Variants in DIP2B observed in about 807,000 individuals in gnomAD.
The protein encoded by DIP2B is DIP2 acetate--CoA ligase B (putative).
In DIP2B, 76 loss-of-function variants were observed where a neutral mutation model predicts 198.0. The observed-to-expected ratio is 0.38, with a 90% CI of 0.32 to 0.46. The LOEUF is 0.46. Among genes scored for constraint, DIP2B ranks in the 20% least tolerant of loss-of-function variants. DIP2B has a pLI of 0.99. For missense variants in DIP2B, 1,559 were observed against 1,978.4 expected (o/e 0.79, Z 4.02); for synonymous variants, 701 against 739.1 (o/e 0.95, Z 0.84).
intron 1 of DIP2B, among the ~76,000 whole-genome samples, chr12:50,623,381 A>C (rs1485029388): frequency 6.7e-6 from 1 of 149,704 alleles, no homozygotes; most frequent in Non-Finnish European, 1.5e-5. Context: ...TGCCTCCAAA[A>C]TATATGTATC....
chr12:50,727,697 T>A lies in DIP2B; in HGVS notation c.3401-6T>A. The A allele has an allele frequency of 6.2e-7, 1 of 1,612,950 alleles. No individual in the cohort carries two copies. The highest frequency in any genetic ancestry group is 8.5e-7 in the Non-Finnish European group (1 of 1,178,998). On this transcript the variant is annotated splice_region_variant and splice_polypyrimidine_tract_variant and intron_variant, in intron 28 of 37. Coordinates refer to ENST00000301180, the MANE Select transcript of DIP2B (RefSeq NM_173602.3). The stretch of plus-strand genomic sequence containing the variant: ...ATTGACATCAGGTTTTTTCTTTTCA[T>A]GGCAGATGATTTACCCAGGAAAAGG...
chr12:50,512,600 C>T (rs1010407479), intron 1 of DIP2B, among the ~76,000 whole-genome samples: 1 of 152,182 alleles, frequency 6.6e-6, no homozygotes, highest in African/African-American at 2.4e-5. Flanking sequence ...TTGAGAAGCA[C>T]ATATTTTGAC....
intron 25 of DIP2B, among the ~76,000 whole-genome samples, chr12:50,720,714 T>C (rs1939820305): frequency 5.3e-5 from 8 of 152,124 alleles, no homozygotes; most frequent in Admixed American, 5.2e-4. Flanking sequence ...CCCAGGAGTT[T>C]GAGGCTGCAA....
In DIP2B at chr12:50,505,279, C is replaced by T. The variant is rs781535402; in HGVS notation, c.100+39C>T. 8 of 1,413,060 alleles carry T rather than the reference C, an allele frequency of 5.7e-6. No individual in the cohort carries two copies. In the African/African-American group the frequency reaches 7.6e-5, roughly 13 times the overall value. 87.5% of individuals were successfully genotyped at this position (1,413,060 alleles called of 1,614,324 possible). A position where few individuals can be genotyped will look rare whatever the true frequency, so the allele number is the denominator to read the frequency against. On this transcript the variant is annotated intron_variant, in intron 1 of 37. Coordinates refer to ENST00000301180, the MANE Select transcript of DIP2B (RefSeq NM_173602.3). Reference sequence around the variant, plus strand: ...CGGGGAGAGGGCGCCCGGGGCCCTGCGGATCGCGGCGACTTGGGAGACAGG... The same window carrying T: ...CGGGGAGAGGGCGCCCGGGGCCCTGTGGATCGCGGCGACTTGGGAGACAGG...
chr12:50,712,145 G>C (rs180940962), intron 22 of DIP2B, among the ~76,000 whole-genome samples: 1 of 152,244 alleles, frequency 6.6e-6, no homozygotes, highest in African/African-American at 2.4e-5. Context: ...TCCAGCCTGG[G>C]TGTCAGAGCA....
intron 19 of DIP2B, among the ~76,000 whole-genome samples, chr12:50,703,748 C>T (rs867980128): frequency 3.3e-5 from 5 of 152,026 alleles, no homozygotes; most frequent in Admixed American, 6.6e-5. Context: ...TGAATTGACA[C>T]CAACGACTAT....
At position 50,744,993 on chromosome 12, in the gene DIP2B, A is replaced by G; in HGVS notation, c.*154A>G. The G allele has an allele frequency of 1.0e-6, 1 of 954,294 alleles. No individual in the cohort carries two copies. Among genetic ancestry groups the G allele is most frequent in the Non-Finnish European group, 1.5e-6 (1 of 657,240 alleles). The allele number at this position is 954,294 out of a possible 1,614,324, so 59.1% of individuals were successfully genotyped here. A position where few individuals can be genotyped will look rare whatever the true frequency, so the allele number is the denominator to read the frequency against. ...GTGGGATTCTGCAATCATAAAACAC[A>G]GGAAAGGGGAATTCTGTGATGGCAA... is the stretch of plus-strand genomic sequence containing the variant. On this transcript the variant is annotated 3_prime_UTR_variant, in exon 38 of 38. Transcript: ENST00000301180.
chr12:50,682,136 T>C (rs1939051047), intron 9 of DIP2B, among the ~76,000 whole-genome samples: 1 of 152,222 alleles, frequency 6.6e-6, no homozygotes, highest in African/African-American at 2.4e-5. Flanking sequence ...AAGTCACTTA[T>C]CTCTGTGATG....
At chr12:50,688,506 C>T (rs1252910373) in intron 12 of DIP2B, among the ~76,000 whole-genome samples, 1 of 151,942 alleles carries the variant, frequency 6.6e-6, no homozygotes, top group Non-Finnish European at 1.5e-5. Context: ...AAAAAATTAG[C>T]TGGGCCTGGT....
chr12:50,741,489 A>G lies in DIP2B; in HGVS notation c.4428A>G (p.Pro1476=), dbSNP rs1292493344. The change falls in exon 37 of 38, where the codon CCA becomes CCG. Residue 1476 remains proline (P), a synonymous_variant. Coordinates refer to ENST00000301180, the MANE Select transcript of DIP2B (RefSeq NM_173602.3). ...AGCTGAGAGGATTACGATACCACCC[A>G]ATTGATATTGAGACCTCGGTGTCCC... ...TLELRGLRYH[P]IDIETSVSRI... is the part of the protein sequence containing the mutation. 3 of 1,614,064 alleles carry G rather than the reference A, an allele frequency of 1.9e-6. No individual in the cohort carries two copies. Among genetic ancestry groups the G allele is most frequent in the African/African-American group, 1.3e-5 (1 of 74,948 alleles).
At position 50,690,939 on chromosome 12, in the gene DIP2B, A is replaced by T; in HGVS notation, c.1552-110A>T. 4.9e-6 allele frequency: 4 copies of T among 817,662 alleles called. No individual in the cohort carries two copies. The South Asian group carries it at 6.8e-5, about 14-fold the overall frequency. 50.7% of individuals were successfully genotyped at this position (817,662 alleles called of 1,614,324 possible). A position where few individuals can be genotyped will look rare whatever the true frequency, so the allele number is the denominator to read the frequency against. On this transcript the variant is annotated intron_variant, in intron 12 of 37. Transcript: ENST00000301180. ...TTAAATATTCATATTAAACATGTTA[A>T]ATTCAGCCCATTATGATGGTTTTTC...
chr12:50,695,426 G>T, intron 15 of DIP2B, 66 bp downstream of exon 15: 2 of 1,497,198 alleles, frequency 1.3e-6, no homozygotes, highest in Non-Finnish European at 9.3e-7. Context: ...AGGGATTTCA[G>T]AGATTTTCAA....
chr12:50,589,206 T>A (rs543484545), intron 1 of DIP2B, among the ~76,000 whole-genome samples: 9 of 150,254 alleles, frequency 6.0e-5, no homozygotes, highest in Non-Finnish European at 1.2e-4. Flanking sequence ...TAAAATAAAA[T>A]AAAAATAAAT....
intron 3 of DIP2B, among the ~76,000 whole-genome samples, chr12:50,645,280 C>A (rs754634980): frequency 3.3e-5 from 5 of 152,028 alleles, no homozygotes; most frequent in Non-Finnish European, 5.9e-5. Context: ...TCTAGGAATT[C>A]ATTTTATATA....
At chr12:50,740,759 T>C (rs188311860) in intron 36 of DIP2B, among the ~76,000 whole-genome samples, 2 of 152,348 alleles carry the variant, frequency 1.3e-5, no homozygotes, top group Non-Finnish European at 2.9e-5. Flanking sequence ...GTTTCCTCCA[T>C]GTTCTACAAC....
intron 2 of DIP2B, among the ~76,000 whole-genome samples, chr12:50,626,426 T>C (rs1937936581): frequency 6.6e-6 from 1 of 152,168 alleles, no homozygotes; most frequent in Non-Finnish European, 1.5e-5. Flanking sequence ...CCCTATCGAA[T>C]GGCAATACTT....
chr12:50,539,064 C>T (rs1242192023), intron 1 of DIP2B, among the ~76,000 whole-genome samples: 1 of 152,040 alleles, frequency 6.6e-6, no homozygotes, highest in Admixed American at 6.6e-5. Context: ...CTTTCAAAAA[C>T]GTCTTTGTCT....
chr12:50,562,703 C>T (rs1462650244), intron 1 of DIP2B, among the ~76,000 whole-genome samples: 2 of 151,244 alleles, frequency 1.3e-5, no homozygotes, highest in Non-Finnish European at 2.9e-5. Context: ...TGCCACTGCA[C>T]TCCAGACTGG....
At chr12:50,655,074 G>A in intron 3 of DIP2B, 1 of 435,012 alleles carries the variant, frequency 2.3e-6, no homozygotes, top group Middle Eastern at 3.5e-4. Context: ...TATATTTGCA[G>A]GAGGCTATTT....
Sources: gnomAD v4.1 joint callset for allele counts (sites outside exome capture counted in the v4.1 genomes callset) on GRCh38, gnomAD v4.1.1 for gene constraint, MANE v1.5 for transcripts, NCBI Gene and HGNC (gene_info 2026-07-23, HGNC 2026-07-21) for gene names.